Variants in EGFR observed in about 807,000 individuals in gnomAD.
EGFR encodes avian erythroblastic leukemia viral (v-erb-b) oncogene homolog.
EGFR carries 58 observed loss-of-function variants against 143.0 expected under a neutral mutation model. The observed-to-expected ratio is 0.41, with a 90% CI of 0.33 to 0.50. The LOEUF is 0.50. Ranked by LOEUF, EGFR falls within the 20% of genes least tolerant of loss-of-function variation. The pLI is 0.39. For synonymous variants in EGFR, 613 were observed against 594.4 expected, an observed-to-expected ratio of 1.03 and a Z score of -0.45; for missense variants, 1,307 against 1,579.0, an observed-to-expected ratio of 0.83 and a Z score of 2.92.
chr7:55,104,333 T>C (rs904098605), intron 1 of EGFR, among the ~76,000 whole-genome samples: 2 of 152,220 alleles, frequency 1.3e-5, no homozygotes, highest in African/African-American at 4.8e-5. Flanking sequence ...CCGTCCTCCG[T>C]AGGCTCCCAA....
chr7:55,019,336 C>A lies in EGFR; in HGVS notation c.59C>A (p.Pro20Gln), dbSNP rs1028735720. The A allele has an allele frequency of 2.6e-6, 4 of 1,518,622 alleles. No individual in the cohort carries two copies. The highest frequency in any genetic ancestry group is 5.5e-5 in the East Asian group (2 of 36,090). The allele number at this position is 1,518,622 out of a possible 1,614,324, so 94.1% of individuals were successfully genotyped here. A position where few individuals can be genotyped will look rare whatever the true frequency, so the allele number is the denominator to read the frequency against. ...CTGGCGCTGCTGGCTGCGCTCTGCC[C>A]GGCGAGTCGGGCTCTGGAGGAAAAG... Reference protein sequence around the residue: ...ALLALLAALCPASRALEEKKV... With the variant: ...ALLALLAALCQASRALEEKKV... The change falls in exon 1 of 28, where the codon CCG becomes CAG. Residue 20 changes from proline to glutamine, a missense_variant. Pro to Gln is a moderately conservative substitution (Grantham distance 76). Transcript: ENST00000275493.
intron 1 of EGFR, among the ~76,000 whole-genome samples, chr7:55,102,199 C>T (rs924583403): frequency 6.6e-6 from 1 of 152,204 alleles, no homozygotes; most frequent in Non-Finnish European, 1.5e-5. Context: ...CAGCTCCCCA[C>T]TCCCACCTGT....
At chr7:55,070,326 A>G (rs903171448) in intron 1 of EGFR, among the ~76,000 whole-genome samples, 2 of 152,122 alleles carry the variant, frequency 1.3e-5, no homozygotes, top group African/African-American at 4.8e-5. Flanking sequence ...TCATCAGCTT[A>G]CTTCTTCTCT....
intron 1 of EGFR, among the ~76,000 whole-genome samples, chr7:55,025,822 T>A (rs1401755982): frequency 6.6e-6 from 1 of 152,194 alleles, no homozygotes; most frequent in African/African-American, 2.4e-5. Context: ...GTTGCAGTTA[T>A]CAGCAACTGG....
At chr7:55,028,092 G>A (rs1787038560) in intron 1 of EGFR, among the ~76,000 whole-genome samples, 2 of 147,632 alleles carry the variant, frequency 1.4e-5, no homozygotes, top group South Asian at 4.3e-4. Flanking sequence ...GAGCATTCAT[G>A]AAGGATTTTA....
chr7:55,177,428 C>T (rs1384162041), intron 19 of EGFR, among the ~76,000 whole-genome samples: 2 of 152,208 alleles, frequency 1.3e-5, no homozygotes, highest in Non-Finnish European at 2.9e-5. Flanking sequence ...TGACTCCATA[C>T]TCACGTTCCC....
chr7:55,052,141 C>T (rs1355568259), intron 1 of EGFR, among the ~76,000 whole-genome samples: 1 of 152,190 alleles, frequency 6.6e-6, no homozygotes, highest in Admixed American at 6.5e-5. Context: ...GTCCTTTATT[C>T]TTCCTGGGCT....
intron 1 of EGFR, among the ~76,000 whole-genome samples, chr7:55,124,786 C>T (rs1166857256): frequency 6.6e-6 from 1 of 152,220 alleles, no homozygotes; most frequent in Non-Finnish European, 1.5e-5. Context: ...AAACCTGAGC[C>T]TCCAGTGCTC....
chr7:55,120,093 C>T (rs1027972612), intron 1 of EGFR, among the ~76,000 whole-genome samples: 1 of 152,200 alleles, frequency 6.6e-6, no homozygotes, highest in Non-Finnish European at 1.5e-5. Context: ...GACCCGAGGC[C>T]GCTGACGTGG....
chr7:55,119,992 G>A (rs187590147), intron 1 of EGFR, among the ~76,000 whole-genome samples: 1 of 152,366 alleles, frequency 6.6e-6, no homozygotes, highest in East Asian at 1.9e-4. Context: ...GGTCTCATGA[G>A]TTCCTGACAT....
chr7:55,201,683 G>T (rs2128972398), intron 25 of EGFR, 52 bp from the exon 26 acceptor site: 1 of 1,608,512 alleles, frequency 6.2e-7, no homozygotes, highest in Non-Finnish European at 8.5e-7. Flanking sequence ...AGGAAAAGTG[G>T]ATGAGATGTG....
intron 26 of EGFR, 94 bp downstream of exon 26, chr7:55,201,876 A>G (rs931814507): frequency 2.0e-6 from 3 of 1,467,946 alleles, no homozygotes; most frequent in Non-Finnish European, 2.9e-6. Context: ...ATTTTAACCC[A>G]GATAATCTTG....
intron 1 of EGFR, among the ~76,000 whole-genome samples, chr7:55,086,324 A>G (rs1030047815): frequency 2.6e-5 from 4 of 151,788 alleles, no homozygotes; most frequent in African/African-American, 9.7e-5. Context: ...AAGATAGTCT[A>G]TGGTAATGCA....
intron 1 of EGFR, among the ~76,000 whole-genome samples, chr7:55,024,537 A>G (rs1231199741): frequency 6.6e-6 from 1 of 152,256 alleles, no homozygotes; most frequent in Non-Finnish European, 1.5e-5. Flanking sequence ...AATGCCTTGC[A>G]GGCAGCCCTA....
intron 1 of EGFR, among the ~76,000 whole-genome samples, chr7:55,112,482 C>T (rs1355417869): frequency 2.0e-5 from 3 of 152,200 alleles, no homozygotes; most frequent in Admixed American, 6.5e-5. Flanking sequence ...GTTTTCACAT[C>T]GCCTAGACAT....
intron 20 of EGFR, 36 bp from the exon 21 acceptor site, chr7:55,191,683 G>A (rs1048647423): frequency 6.2e-7 from 1 of 1,612,618 alleles, no homozygotes; most frequent in African/African-American, 1.3e-5. Context: ...TTCCCATGAT[G>A]ATCTGTCCCT....
chr7:55,154,487 T>C (rs1281962068), intron 7 of EGFR, among the ~76,000 whole-genome samples: 1 of 152,254 alleles, frequency 6.6e-6, no homozygotes, highest in African/African-American at 2.4e-5. Context: ...AGTTGTCTGC[T>C]GGGCACAAAG....
intron 1 of EGFR, among the ~76,000 whole-genome samples, chr7:55,048,701 A>G (rs1046851995): frequency 6.6e-6 from 1 of 152,212 alleles, no homozygotes; most frequent in Non-Finnish European, 1.5e-5. Context: ...GGCTGCCAGG[A>G]ACATTGAATG....
At chr7:55,081,670 C>G (rs566841789) in intron 1 of EGFR, among the ~76,000 whole-genome samples, 16 of 152,184 alleles carry the variant, frequency 1.1e-4, no homozygotes, top group African/African-American at 3.6e-4. Flanking sequence ...GAGGGGCCAT[C>G]ACTGCACAAT....
Sources: allele counts gnomAD v4.1 joint callset (sites outside exome capture counted in the v4.1 genomes callset), GRCh38; gene constraint gnomAD v4.1.1; transcripts MANE v1.5; gene names NCBI Gene and HGNC (gene_info 2026-07-23, HGNC 2026-07-21).